Variants in GSE1 observed in about 807,000 individuals in gnomAD.
GSE1 encodes genetic suppressor element 1.
A neutral mutation model predicts 112.6 loss-of-function variants in GSE1; 32 were observed. The ratio of observed to expected loss-of-function variants is 0.28; its 90% CI spans 0.21 to 0.38. The LOEUF (loss-of-function observed/expected upper bound fraction) is 0.38. Ranked by LOEUF, GSE1 falls within the 10% of genes least tolerant of loss-of-function variation. GSE1 has a pLI of 1.00. For synonymous variants in GSE1, 1,115 were observed against 735.6 expected, an observed-to-expected ratio of 1.52 and a Z score of -8.35; for missense variants, 2,348 against 1,699.2, an observed-to-expected ratio of 1.38 and a Z score of -6.71.
Position 85,666,057 on chromosome 16 carries a change from C to A in GSE1, c.2840C>A (p.Ala947Glu), listed in dbSNP as rs777298065. ...AASLSDIPKAAEPGKLEQVRP... is the reference protein window; with the variant it reads ...AASLSDIPKAEEPGKLEQVRP... ...TCCTTGTCTGACATCCCAAAGGCCG[C>A]GGAGCCTGGGAAGCTGGAACAGGTC... The change falls in exon 13 of 16, where the codon GCG becomes GAG. Residue 947 changes from alanine (A) to glutamate (E), a missense_variant. By Grantham distance (107) the Ala-to-Glu change is moderately radical. Coordinates refer to ENST00000253458, the MANE Select transcript of GSE1 (RefSeq NM_014615.5). The A allele has an allele frequency of 2.5e-6, 4 of 1,613,522 alleles. No homozygotes were observed. In the East Asian group the frequency reaches 8.9e-5, roughly 36 times the overall value.
chr16:85,588,085 C>T (rs1244807046), intron 1 of GSE1, among the ~76,000 whole-genome samples: 2 of 152,192 alleles, frequency 1.3e-5, no homozygotes, highest in Non-Finnish European at 2.9e-5. Flanking sequence ...ACTGCTGCAC[C>T]CACCCCTTTG....
chr16:85,245,183 C>CAA (rs200865666), intron 1 of GSE1, among the ~76,000 whole-genome samples: 6 of 152,078 alleles, frequency 3.9e-5, no homozygotes, highest in Non-Finnish European at 5.9e-5. Flanking sequence ...CAAAACAAAA[C>CAA]AAAACACCCC....
At chr16:85,279,264 C>T (rs1031255952) in intron 1 of GSE1, among the ~76,000 whole-genome samples, 1 of 152,210 alleles carries the variant, frequency 6.6e-6, no homozygotes. Flanking sequence ...GTTCTATTCT[C>T]AGTCCTGAAA....
intron 1 of GSE1, among the ~76,000 whole-genome samples, chr16:85,185,868 G>C (rs772130195): frequency 6.6e-6 from 1 of 152,238 alleles, no homozygotes; most frequent in Non-Finnish European, 1.5e-5. Flanking sequence ...CGGGGGCTGG[G>C]AGGGCCGTTG....
At chr16:85,472,677 C>A (rs546099897) in intron 2 of GSE1, among the ~76,000 whole-genome samples, 2 of 152,354 alleles carry the variant, frequency 1.3e-5, no homozygotes, top group South Asian at 2.1e-4. Flanking sequence ...AGCCCCAGGC[C>A]TTGCTCAGTC....
intron 1 of GSE1, among the ~76,000 whole-genome samples, chr16:85,602,445 G>T (rs897473578): frequency 6.6e-6 from 1 of 152,124 alleles, no homozygotes; most frequent in East Asian, 1.9e-4. Context: ...GAGACCCTTG[G>T]GCCCTGGCCG....
At chr16:85,497,483 T>C (rs2051219701) in intron 2 of GSE1, among the ~76,000 whole-genome samples, 1 of 152,180 alleles carries the variant, frequency 6.6e-6, no homozygotes, top group South Asian at 2.1e-4. Flanking sequence ...TTCAGCCCAG[T>C]GCCCAGCACA....
chr16:85,665,105 A>G lies in GSE1; in HGVS notation c.2735A>G (p.Asp912Gly), dbSNP rs761819466. Residue 912 changes from aspartate to glycine, a missense_variant, in exon 12 of 16, where the codon GAC becomes GGC. Asp to Gly is a moderately conservative substitution (Grantham distance 94). Coordinates refer to ENST00000253458, the MANE Select transcript of GSE1 (RefSeq NM_014615.5). ...VADSLTNSPR[D>G]SPAVSLSEPA... ...GACTCCTTGACAAACTCTCCGAGGG[A>G]CAGTCCTGCCGTCTCCCTGAGTGGT... 1 of 1,608,158 alleles carries G rather than the reference A, an allele frequency of 6.2e-7. No individual in the cohort carries two copies. The highest frequency in any genetic ancestry group is 1.3e-5 in the African/African-American group (1 of 74,924).
At chr16:85,273,970 T>A (rs1482164195) in intron 1 of GSE1, among the ~76,000 whole-genome samples, 2 of 150,766 alleles carry the variant, frequency 1.3e-5, no homozygotes, top group East Asian at 3.9e-4. Flanking sequence ...GTGCTGGGAT[T>A]ACAGGTGTGA....
At chr16:85,232,235 C>T (rs928930116) in intron 1 of GSE1, among the ~76,000 whole-genome samples, 1 of 152,218 alleles carries the variant, frequency 6.6e-6, no homozygotes, top group African/African-American at 2.4e-5. Context: ...CCCCAAAGAA[C>T]ATCCAAAGAG....
chr16:85,517,269 T>A (rs562911171), intron 2 of GSE1, among the ~76,000 whole-genome samples: 59 of 152,102 alleles, frequency 3.9e-4, no homozygotes, highest in African/African-American at 1.4e-3. Flanking sequence ...ATGGGTTACC[T>A]GAGGACACAC....
At chr16:85,610,410 G>A (rs1256926713), upstream of GSE1, among the ~76,000 whole-genome samples, 1 of 152,242 alleles carries the variant, frequency 6.6e-6, no homozygotes, top group Non-Finnish European at 1.5e-5. Context: ...GGAAGAGAGA[G>A]GAGGAGGAGC....
intron 2 of GSE1, among the ~76,000 whole-genome samples, chr16:85,398,940 G>A (rs774330520): frequency 7.2e-5 from 11 of 152,138 alleles, no homozygotes; most frequent in Non-Finnish European, 1.2e-4. Context: ...ATCCACATGC[G>A]TTGTATGTTT....
chr16:85,216,353 A>G (rs539507931), intron 1 of GSE1, among the ~76,000 whole-genome samples: 127 of 152,272 alleles, frequency 8.3e-4, no homozygotes, highest in Admixed American at 2.2e-3. Flanking sequence ...GCAGGGAGCT[A>G]TGATCCCGGC....
intron 1 of GSE1, among the ~76,000 whole-genome samples, chr16:85,203,679 T>G (rs1204130431): frequency 6.6e-6 from 1 of 152,234 alleles, no homozygotes; most frequent in East Asian, 1.9e-4. Context: ...GAGCATACAA[T>G]TCACCTGTCT....
chr16:85,459,053 G>A (rs1209563776), intron 2 of GSE1, among the ~76,000 whole-genome samples: 1 of 152,204 alleles, frequency 6.6e-6, no homozygotes, highest in East Asian at 1.9e-4. Context: ...GGCAGGGACT[G>A]AGACTTTCCG....
chr16:85,354,185 G>A (rs34248496), intron 1 of GSE1, among the ~76,000 whole-genome samples: 45,880 of 152,056 alleles, frequency 0.3, 7,120 homozygotes, highest in African/African-American at 0.35. Context: ...CATCTCCCCC[G>A]GTGGTATTCC....
chr16:85,596,294 G>A (rs2047224298), intron 1 of GSE1, among the ~76,000 whole-genome samples: 1 of 152,152 alleles, frequency 6.6e-6, no homozygotes, highest in Non-Finnish European at 1.5e-5. Flanking sequence ...CACTGACTTG[G>A]GAAATGAAGC....
chr16:85,201,457 A>G (rs1195750344), intron 1 of GSE1, among the ~76,000 whole-genome samples: 1 of 151,318 alleles, frequency 6.6e-6, no homozygotes, highest in Non-Finnish European at 1.5e-5. Flanking sequence ...CAGGAGTTTG[A>G]GACCAGCCTG....
Sources: allele counts gnomAD v4.1 joint callset (sites outside exome capture counted in the v4.1 genomes callset), GRCh38; gene constraint gnomAD v4.1.1; transcripts MANE v1.5; gene names NCBI Gene and HGNC (gene_info 2026-07-23, HGNC 2026-07-21).